Variants in ARHGAP42 observed in about 807,000 individuals in gnomAD.
ARHGAP42 encodes rho GTPase-activating protein 42.
ARHGAP42 carries 63 observed loss-of-function variants against 125.0 expected under a neutral mutation model. That is an observed-to-expected ratio of 0.50 (90% confidence interval 0.41 to 0.62). ARHGAP42 has a LOEUF of 0.62. ARHGAP42 is among the 20% of genes least tolerant of loss of function. The pLI is 0.00. For missense variants in ARHGAP42, 766 were observed against 1,024.2 expected (o/e 0.75, Z 3.44); for synonymous variants, 339 against 351.0 (o/e 0.97, Z 0.38).
At chr11:100,940,183 C>G (rs2135270522) in intron 8 of ARHGAP42, among the ~76,000 whole-genome samples, 1 of 152,240 alleles carries the variant, frequency 6.6e-6, no homozygotes, top group East Asian at 1.9e-4. Context: ...AAGTATTAAA[C>G]TCGATACCGA....
At chr11:100,771,645 C>T (rs1862982301) in intron 2 of ARHGAP42, among the ~76,000 whole-genome samples, 1 of 151,886 alleles carries the variant, frequency 6.6e-6, no homozygotes, top group South Asian at 2.1e-4. Flanking sequence ...GTCGCCCAGG[C>T]TGGAGTGCAG....
chr11:100,689,975 AT>A, intron 1 of ARHGAP42, among the ~76,000 whole-genome samples: 1 of 152,122 alleles, frequency 6.6e-6, no homozygotes, highest in East Asian at 1.9e-4. Context: ...GTCAGAAAGG[AT>A]TTGAAGCCTG....
intron 14 of ARHGAP42, among the ~76,000 whole-genome samples, chr11:100,961,289 A>T (rs1432018778): frequency 6.6e-6 from 1 of 152,060 alleles, no homozygotes; most frequent in East Asian, 1.9e-4. Context: ...AGGTTTTGTG[A>T]CCTTGAGTAA....
At chr11:100,971,445 A>G (rs1858245000) in intron 17 of ARHGAP42, among the ~76,000 whole-genome samples, 1 of 152,202 alleles carries the variant, frequency 6.6e-6, no homozygotes, top group Non-Finnish European at 1.5e-5. Flanking sequence ...ACAGCAGTTG[A>G]GTATCAGCTC....
chr11:100,804,867 C>T (rs934780642), intron 3 of ARHGAP42, among the ~76,000 whole-genome samples: 2 of 152,286 alleles, frequency 1.3e-5, no homozygotes, highest in East Asian at 3.9e-4. Flanking sequence ...TTTGAGCTTT[C>T]GTGTGAGCCT....
At chr11:100,964,654 C>G (rs925192719) in intron 16 of ARHGAP42, among the ~76,000 whole-genome samples, 2 of 152,150 alleles carry the variant, frequency 1.3e-5, no homozygotes, top group African/African-American at 4.8e-5. Flanking sequence ...CTTTCTTGTT[C>G]TGAAATGTTA....
intron 9 of ARHGAP42, among the ~76,000 whole-genome samples, chr11:100,942,440 CTTTG>C (rs1461483531): frequency 2.6e-5 from 4 of 152,128 alleles, no homozygotes; most frequent in African/African-American, 9.7e-5. Context: ...ATACAATGTA[CTTTG>C]TTTGAGGAAA....
At chr11:100,752,876 C>T (rs1160208801) in intron 1 of ARHGAP42, among the ~76,000 whole-genome samples, 1 of 152,172 alleles carries the variant, frequency 6.6e-6, no homozygotes, top group Non-Finnish European at 1.5e-5. Context: ...TGTTATTGTA[C>T]CTGTGGATGC....
chr11:100,726,297 C>A (rs1861860358), intron 1 of ARHGAP42, among the ~76,000 whole-genome samples: 1 of 152,072 alleles, frequency 6.6e-6, no homozygotes, highest in South Asian at 2.1e-4. Flanking sequence ...AAATTTGAAT[C>A]CTGGCTCTAT....
intron 5 of ARHGAP42, among the ~76,000 whole-genome samples, chr11:100,918,737 G>A (rs1344656475): frequency 2.0e-5 from 3 of 152,146 alleles, no homozygotes; most frequent in Non-Finnish European, 2.9e-5. Context: ...TCTGGATGAC[G>A]TTTCACAGCA....
intron 2 of ARHGAP42, among the ~76,000 whole-genome samples, chr11:100,787,595 G>T (rs1863466700): frequency 2.0e-5 from 3 of 152,196 alleles, no homozygotes; most frequent in African/African-American, 7.2e-5. Context: ...CAGCCCAAAT[G>T]TGGTTTGGCA....
intron 3 of ARHGAP42, among the ~76,000 whole-genome samples, chr11:100,843,984 T>G (rs1865004461): frequency 6.6e-6 from 1 of 152,062 alleles, no homozygotes; most frequent in Non-Finnish European, 1.5e-5. Flanking sequence ...ATAGCCTGCA[T>G]AGCCAAAGCA....
chr11:100,939,115 G>A (rs565761450), intron 8 of ARHGAP42, among the ~76,000 whole-genome samples: 4 of 152,200 alleles, frequency 2.6e-5, no homozygotes, highest in African/African-American at 7.2e-5. Context: ...TACCCACCTC[G>A]AGGCATGCAT....
chr11:100,955,530 G>T lies in ARHGAP42; in HGVS notation c.1163-4353G>T, dbSNP rs1231297300. Among the ~76,000 whole-genome samples the T allele has an allele frequency of 2.0e-5, 3 of 152,056 alleles. No homozygotes were observed. The East Asian group carries it at 5.8e-4, about 29-fold the overall frequency. On this transcript the variant is annotated intron_variant, in intron 12 of 23. Coordinates refer to ENST00000298815, the MANE Select transcript of ARHGAP42 (RefSeq NM_152432.4). ...ATAGAAACCATCAGAGAAGGTACTT[G>T]AGCAATCCTGGTACAAACCAGTAAC... is the stretch of plus-strand genomic sequence containing the variant.
At chr11:100,782,454 G>A (rs1388568790) in intron 2 of ARHGAP42, among the ~76,000 whole-genome samples, 3 of 152,210 alleles carry the variant, frequency 2.0e-5, no homozygotes, top group Non-Finnish European at 4.4e-5. Context: ...TTAGAAGTGA[G>A]TTAGGAGGCA....
At chr11:100,977,811 C>A (rs1858431499) in intron 21 of ARHGAP42, among the ~76,000 whole-genome samples, 1 of 152,160 alleles carries the variant, frequency 6.6e-6, no homozygotes, top group Non-Finnish European at 1.5e-5. Context: ...GACTACAATT[C>A]TGTGCTCCTT....
intron 4 of ARHGAP42, among the ~76,000 whole-genome samples, chr11:100,907,711 G>A (rs1866778986): frequency 6.6e-6 from 1 of 152,206 alleles, no homozygotes; most frequent in African/African-American, 2.4e-5. Flanking sequence ...CTGGGAATCA[G>A]AGGTGGTGAT....
intron 17 of ARHGAP42, among the ~76,000 whole-genome samples, chr11:100,971,376 T>C (rs904996967): frequency 6.6e-6 from 1 of 152,160 alleles, no homozygotes; most frequent in East Asian, 1.9e-4. Flanking sequence ...ACAATACAAG[T>C]TGACAGATCC....
chr11:100,977,156 T>C (rs1419718057), intron 21 of ARHGAP42, among the ~76,000 whole-genome samples, 185 bp downstream of exon 21: 4 of 152,220 alleles, frequency 2.6e-5, no homozygotes, highest in Non-Finnish European at 4.4e-5. Flanking sequence ...TCTTCGGATA[T>C]GGACAGAATC....
Sources: gnomAD v4.1 joint callset for allele counts (sites outside exome capture counted in the v4.1 genomes callset) on GRCh38, gnomAD v4.1.1 for gene constraint, MANE v1.5 for transcripts, NCBI Gene and HGNC (gene_info 2026-07-23, HGNC 2026-07-21) for gene names.